The following DDX10 variants were observed in gnomAD, a reference collection of about 807,000 sequenced individuals.
DDX10 encodes the protein DEAD-box helicase 10.
DDX10 carries 74 observed loss-of-function variants against 104.3 expected under a neutral mutation model. That is an observed-to-expected ratio of 0.71 (90% CI 0.59 to 0.86). The LOEUF (loss-of-function observed/expected upper bound fraction) is 0.86, where lower values mean the gene tolerates loss of function less well. DDX10 is among the 40% of genes least tolerant of loss of function. The probability of loss-of-function intolerance (pLI) is 0.00; values close to 1 mark genes in which losing one functional copy is unlikely to be tolerated. For synonymous variants in DDX10, 351 were observed against 353.4 expected (o/e 0.99, Z 0.08); for missense variants, 952 against 1,040.0 (o/e 0.92, Z 1.16).
At chr11:108,884,805 A>T (rs536788031) in intron 16 of DDX10, among the ~76,000 whole-genome samples, 1 of 152,178 alleles carries the variant, frequency 6.6e-6, no homozygotes, top group East Asian at 1.9e-4. Flanking sequence ...TTCCCCCTTA[A>T]CTTCAGTTAT....
At chr11:108,834,546 G>T (rs1862521722) in intron 13 of DDX10, among the ~76,000 whole-genome samples, 1 of 151,978 alleles carries the variant, frequency 6.6e-6, no homozygotes, top group Non-Finnish European at 1.5e-5. Context: ...ACCCCAGAAG[G>T]TTTACTCATG....
Position 108,746,777 on chromosome 11 carries a change from TC to T in DDX10, c.1965+23316del, listed in dbSNP as rs368504233. Among the ~76,000 whole-genome samples, 15 of 152,302 alleles carry T rather than the reference TC, an allele frequency of 9.8e-5. No homozygotes were observed. In the East Asian group the frequency reaches 2.9e-3, roughly 29 times the overall value. On this transcript the variant is annotated intron_variant, in intron 13 of 17. Coordinates refer to ENST00000322536, the MANE Select transcript of DDX10 (RefSeq NM_004398.4). Reference sequence around the variant, plus strand: ...AGATAGGAAATAGTATCTTTATGGTTCTGATTTGCCTTTCCCTGATGATCAA... The same window carrying T: ...AGATAGGAAATAGTATCTTTATGGTTTGATTTGCCTTTCCCTGATGATCAA...
intron 16 of DDX10, among the ~76,000 whole-genome samples, chr11:108,906,491 A>G (rs924059900): frequency 6.6e-6 from 1 of 152,178 alleles, no homozygotes; most frequent in African/African-American, 2.4e-5. Context: ...CTTGAATGGT[A>G]GATGTCAGTG....
chr11:108,790,128 C>G (rs144721635), intron 13 of DDX10, among the ~76,000 whole-genome samples: 1 of 152,144 alleles, frequency 6.6e-6, no homozygotes, highest in Non-Finnish European at 1.5e-5. Context: ...TAAATCAGTT[C>G]TTTTAGCAAG....
At chr11:108,672,438 G>A (rs1284447102) in intron 1 of DDX10, among the ~76,000 whole-genome samples, 2 of 152,192 alleles carry the variant, frequency 1.3e-5, no homozygotes, top group South Asian at 2.1e-4. Flanking sequence ...TGAATAAACC[G>A]TTCTTCTAAT....
intron 13 of DDX10, among the ~76,000 whole-genome samples, chr11:108,820,942 C>G (rs1406130700): frequency 1.3e-5 from 2 of 152,190 alleles, no homozygotes; most frequent in Middle Eastern, 3.2e-3. Flanking sequence ...GAATGCATGT[C>G]AGAGTCTTTG....
At chr11:108,908,607 A>G (rs1863628209) in intron 16 of DDX10, among the ~76,000 whole-genome samples, 1 of 152,256 alleles carries the variant, frequency 6.6e-6, no homozygotes, top group African/African-American at 2.4e-5. Flanking sequence ...AATCACTGAC[A>G]GCCTAGCATG....
intron 1 of DDX10, among the ~76,000 whole-genome samples, chr11:108,670,389 G>A (rs1422432334): frequency 2.6e-5 from 4 of 152,180 alleles, no homozygotes; most frequent in Admixed American, 1.3e-4. Flanking sequence ...GGTAGGAAGA[G>A]TCTCAGACTG....
intron 13 of DDX10, among the ~76,000 whole-genome samples, chr11:108,831,704 T>C (rs1862473872): frequency 6.6e-6 from 1 of 152,260 alleles, no homozygotes; most frequent in East Asian, 1.9e-4. Context: ...TTTTTAACAA[T>C]AGTTTTATTT....
intron 17 of DDX10, among the ~76,000 whole-genome samples, chr11:108,926,393 A>G (rs1351391882): frequency 6.6e-6 from 1 of 152,206 alleles, no homozygotes; most frequent in Non-Finnish European, 1.5e-5. Flanking sequence ...TTACAGATGG[A>G]AACACATATG....
intron 13 of DDX10, among the ~76,000 whole-genome samples, chr11:108,751,348 T>C (rs1004182171): frequency 6.6e-6 from 1 of 152,138 alleles, no homozygotes; most frequent in African/African-American, 2.4e-5. Flanking sequence ...AAGCAAATAA[T>C]TTTTACTTTA....
At chr11:108,796,718 A>G (rs2134553119) in intron 13 of DDX10, among the ~76,000 whole-genome samples, 1 of 152,142 alleles carries the variant, frequency 6.6e-6, no homozygotes. Flanking sequence ...GTGTCCTCCA[A>G]AGTTATTGTG....
intron 16 of DDX10, among the ~76,000 whole-genome samples, chr11:108,900,098 G>A (rs932262104): frequency 6.7e-5 from 10 of 150,316 alleles, no homozygotes; most frequent in Non-Finnish European, 1.3e-4. Context: ...GACAGCAAGA[G>A]CAAAACTCTG....
At chr11:108,837,286 C>G (rs1862568378) in intron 13 of DDX10, among the ~76,000 whole-genome samples, 1 of 152,192 alleles carries the variant, frequency 6.6e-6, no homozygotes, top group Non-Finnish European at 1.5e-5. Context: ...ATTTTCCTAA[C>G]TACTACACCA....
chr11:108,797,096 C>G (rs957570496), intron 13 of DDX10, among the ~76,000 whole-genome samples: 2 of 151,886 alleles, frequency 1.3e-5, no homozygotes, highest in Non-Finnish European at 2.9e-5. Context: ...TGCAGTGGCA[C>G]GATCTTGGCT....
At chr11:108,784,049 A>T (rs1861749003) in intron 13 of DDX10, among the ~76,000 whole-genome samples, 1 of 152,186 alleles carries the variant, frequency 6.6e-6, no homozygotes, top group African/African-American at 2.4e-5. Flanking sequence ...TATCCAGTTC[A>T]TCATTGAAGG....
In DDX10 at chr11:108,799,670, T is replaced by A. The variant is rs368427136; in HGVS notation, c.1966-38776T>A. Among the ~76,000 whole-genome samples, 16 of 152,334 alleles carry A rather than the reference T, an allele frequency of 1.1e-4. No individual in the cohort carries two copies. In the East Asian group the frequency reaches 1.7e-3, roughly 17 times the overall value. On this transcript the variant is annotated intron_variant, in intron 13 of 17. Transcript: ENST00000322536. ...AAAGGTCTAGTCTGAGTTTGTTTCC[T>A]TCTTTTGACCTTGCGCAGATTTCAT...
intron 16 of DDX10, among the ~76,000 whole-genome samples, chr11:108,903,802 A>G (rs909618682): frequency 6.6e-6 from 1 of 152,108 alleles, no homozygotes; most frequent in Non-Finnish European, 1.5e-5. Flanking sequence ...GGTAGCCCAC[A>G]TTTTATTTAT....
intron 13 of DDX10, among the ~76,000 whole-genome samples, chr11:108,791,111 T>C (rs1007315126): frequency 6.6e-5 from 10 of 152,252 alleles, no homozygotes; most frequent in Non-Finnish European, 2.9e-5. Context: ...TGTGACTTCC[T>C]AGACTGAGTC....
Sources: allele counts gnomAD v4.1 joint callset (sites outside exome capture counted in the v4.1 genomes callset), GRCh38; gene constraint gnomAD v4.1.1; transcripts MANE v1.5; gene names NCBI Gene and HGNC (gene_info 2026-07-23, HGNC 2026-07-21).